MTMR3: variants seen among roughly 807,000 people sequenced by gnomAD.
MTMR3 encodes phosphatidylinositol-3,5-bisphosphate 3-phosphatase MTMR3.
Under a neutral mutation model 132.4 loss-of-function variants are expected in MTMR3, and 32 were observed. That is an observed-to-expected ratio of 0.24 (90% CI 0.18 to 0.32). MTMR3 has a LOEUF of 0.32. Ranked by LOEUF, MTMR3 falls within the 10% of genes least tolerant of loss-of-function variation. The pLI, the probability that MTMR3 is intolerant of heterozygous loss-of-function variation, is 1.00. For synonymous variants in MTMR3, 556 were observed against 550.3 expected (o/e 1.01, Z -0.14); for missense variants, 1,216 against 1,489.6 (o/e 0.82, Z 3.02).
At chr22:29,977,725 T>A (rs1214101266) in intron 3 of MTMR3, among the ~76,000 whole-genome samples, 1 of 152,246 alleles carries the variant, frequency 6.6e-6, no homozygotes, top group African/African-American at 2.4e-5. Context: ...TTCCTTACTC[T>A]TGCCCCAGTT....
At chr22:29,963,675 T>G (rs1018556727) in intron 2 of MTMR3, among the ~76,000 whole-genome samples, 1 of 152,146 alleles carries the variant, frequency 6.6e-6, no homozygotes, top group Non-Finnish European at 1.5e-5. Flanking sequence ...TGTGAGCCAC[T>G]GTGCCCAGCC....
At chr22:29,954,563 C>G (rs1165862090) in intron 1 of MTMR3, among the ~76,000 whole-genome samples, 1 of 152,152 alleles carries the variant, frequency 6.6e-6, no homozygotes, top group Non-Finnish European at 1.5e-5. Context: ...TCTGTTGAAT[C>G]TCTCGTTTGG....
chr22:29,988,670 A>G (rs1455042640), intron 6 of MTMR3, 108 bp downstream of exon 6: 1 of 670,406 alleles, frequency 1.5e-6, no homozygotes, highest in East Asian at 2.9e-5. Context: ...GATTAGCCTC[A>G]TTAGGAATAT....
chr22:29,977,705 G>A (rs1046808800), intron 3 of MTMR3, among the ~76,000 whole-genome samples: 4 of 152,134 alleles, frequency 2.6e-5, no homozygotes, highest in Non-Finnish European at 5.9e-5. Context: ...TTTCACTTAT[G>A]TCCCGCTTCT....
intron 11 of MTMR3, chr22:30,008,632 G>A (rs1245582665): frequency 1.2e-5 from 2 of 172,424 alleles, no homozygotes; most frequent in Admixed American, 1.2e-4. Flanking sequence ...CTGTACCAAG[G>A]TGAAATTTGA....
chr22:29,925,751 T>TA (rs1460266304), intron 1 of MTMR3, among the ~76,000 whole-genome samples: 1 of 151,822 alleles, frequency 6.6e-6, no homozygotes, highest in East Asian at 1.9e-4. Flanking sequence ...CCGTCTCTAC[T>TA]AAAATCACAA....
intron 14 of MTMR3, chr22:30,016,289 ATT>A: frequency 2.2e-6 from 1 of 455,044 alleles, no homozygotes; most frequent in Non-Finnish European, 4.0e-6. Flanking sequence ...ATCTCAGACT[ATT>A]TATCACGGAA....
intron 1 of MTMR3, among the ~76,000 whole-genome samples, chr22:29,938,979 G>A (rs1042481523): frequency 5.9e-5 from 9 of 151,830 alleles, no homozygotes; most frequent in Non-Finnish European, 1.2e-4. Flanking sequence ...CCGCCACCAC[G>A]CCCGGCTAAT....
At chr22:29,922,910 A>G (rs1187684116) in intron 1 of MTMR3, among the ~76,000 whole-genome samples, 1 of 143,662 alleles carries the variant, frequency 7.0e-6, no homozygotes, top group Non-Finnish European at 1.5e-5. Flanking sequence ...TTTTTTTGAG[A>G]CTGGGTCTCA....
intron 1 of MTMR3, among the ~76,000 whole-genome samples, chr22:29,896,450 C>T (rs935293624): frequency 4.6e-5 from 7 of 152,306 alleles, no homozygotes; most frequent in African/African-American, 1.7e-4. Flanking sequence ...TGATTGCTCT[C>T]AGTTGGTCAT....
At chr22:29,909,326 A>C (rs2065163212) in intron 1 of MTMR3, among the ~76,000 whole-genome samples, 2 of 152,120 alleles carry the variant, frequency 1.3e-5, no homozygotes, top group African/African-American at 4.8e-5. Flanking sequence ...GAGAGAAAAA[A>C]ATTAGTTTCT....
chr22:29,956,186 G>A (rs1409010979), intron 1 of MTMR3, among the ~76,000 whole-genome samples: 2 of 152,202 alleles, frequency 1.3e-5, no homozygotes, highest in African/African-American at 2.4e-5. Flanking sequence ...GGAACAGGTC[G>A]GTTAGATGTT....
intron 16 of MTMR3, 91 bp downstream of exon 16, chr22:30,018,163 G>A: frequency 7.5e-7 from 1 of 1,333,800 alleles, no homozygotes; most frequent in Non-Finnish European, 1.0e-6. Context: ...GATCATGATG[G>A]TATCTGGCTC....
chr22:29,942,727 A>G (rs1346761056), intron 1 of MTMR3, among the ~76,000 whole-genome samples: 1 of 152,240 alleles, frequency 6.6e-6, no homozygotes, highest in Non-Finnish European at 1.5e-5. Flanking sequence ...AAAGAAAAAT[A>G]TGGCTCTGTT....
Position 29,982,940 on chromosome 22 carries a change from TGTGTGTG to T in MTMR3, c.210+3889_210+3895del, listed in dbSNP as rs1569035701. The T allele has an allele frequency of 2.4e-4, 14 of 57,990 alleles. No individual in the cohort carries two copies. In the East Asian group the frequency reaches 0.011, roughly 44 times the overall value. The allele number at this position is 57,990 out of a possible 1,614,324, so 3.6% of individuals were successfully genotyped here. A position where few individuals can be genotyped will look rare whatever the true frequency, so the allele number is the denominator to read the frequency against. ...TCATGAACGTTTAAAAGTTTGTTTG[TGTGTGTG>T]TGTGTGTGTGTGTGTGTGTGTGTGT... is the stretch of plus-strand genomic sequence containing the variant. On this transcript the variant is annotated intron_variant, in intron 5 of 19. Coordinates refer to ENST00000401950, the MANE Select transcript of MTMR3 (RefSeq NM_021090.4).
intron 1 of MTMR3, among the ~76,000 whole-genome samples, chr22:29,930,129 TG>T (rs1234999003): frequency 6.6e-6 from 1 of 152,234 alleles, no homozygotes; most frequent in Non-Finnish European, 1.5e-5. Context: ...TTTTTGCTTT[TG>T]AAAGTCAATT....
intron 3 of MTMR3, among the ~76,000 whole-genome samples, chr22:29,972,595 G>C (rs1453101069): frequency 6.6e-6 from 1 of 152,174 alleles, no homozygotes; most frequent in Non-Finnish European, 1.5e-5. Context: ...TCTTGAGACA[G>C]AGTCTTGCTC....
chr22:30,023,257 G>T, intron 19 of MTMR3: 1 of 613,850 alleles, frequency 1.6e-6, no homozygotes. Flanking sequence ...TTGACTGTCT[G>T]GTGGATGTTC....
intron 2 of MTMR3, among the ~76,000 whole-genome samples, chr22:29,964,210 T>G (rs2066370544): frequency 6.6e-6 from 1 of 152,246 alleles, no homozygotes; most frequent in Admixed American, 6.5e-5. Flanking sequence ...ATGACTCAAT[T>G]TCTTCCTTTT....
Sources: allele counts gnomAD v4.1 joint callset (sites outside exome capture counted in the v4.1 genomes callset), GRCh38; gene constraint gnomAD v4.1.1; transcripts MANE v1.5; gene names NCBI Gene and HGNC (gene_info 2026-07-23, HGNC 2026-07-21).